ATXN1: variants seen among roughly 807,000 people sequenced by gnomAD.
ATXN1 encodes the protein ataxin-1.
A neutral mutation model predicts 56.4 loss-of-function variants in ATXN1; 8 were observed. That is an observed-to-expected ratio of 0.14 (90% CI 0.08 to 0.26). The LOEUF is 0.26. ATXN1 is among the 10% of genes least tolerant of loss of function. The pLI is 1.00. For synonymous variants in ATXN1, 514 were observed against 494.6 expected (o/e 1.04, Z -0.52); for missense variants, 987 against 1,106.5 (o/e 0.89, Z 1.53).
chr6:16,576,831 C>A (rs1443480952), intron 4 of ATXN1, among the ~76,000 whole-genome samples: 1 of 152,134 alleles, frequency 6.6e-6, no homozygotes, highest in Non-Finnish European at 1.5e-5. Context: ...GCTGGCCCCA[C>A]CCCGAGCATG....
intron 5 of ATXN1, among the ~76,000 whole-genome samples, chr6:16,502,486 T>C (rs1373771044): frequency 6.6e-6 from 1 of 152,224 alleles, no homozygotes; most frequent in Non-Finnish European, 1.5e-5. Flanking sequence ...CATGTACATA[T>C]GCTGTATAAG....
chr6:16,443,311 G>C (rs1215479742), intron 6 of ATXN1, among the ~76,000 whole-genome samples: 1 of 148,670 alleles, frequency 6.7e-6, no homozygotes, highest in Non-Finnish European at 1.5e-5. Flanking sequence ...AAATAAAGCA[G>C]ACAGGCATGA....
At chr6:16,748,715 C>G (rs1760616172) in intron 2 of ATXN1, among the ~76,000 whole-genome samples, 1 of 152,200 alleles carries the variant, frequency 6.6e-6, no homozygotes, top group South Asian at 2.1e-4. Flanking sequence ...ACGATCTGCC[C>G]CTGGAGTTGT....
At chr6:16,737,600 G>A (rs1760181313) in intron 2 of ATXN1, 2 of 152,228 alleles carry the variant, frequency 1.3e-5, no homozygotes, top group Non-Finnish European at 2.9e-5. Flanking sequence ...TTGACTAGGA[G>A]CAGTGAATGG....
intron 6 of ATXN1, among the ~76,000 whole-genome samples, chr6:16,430,806 G>C (rs1759267135): frequency 6.6e-6 from 1 of 152,000 alleles, no homozygotes; most frequent in Non-Finnish European, 1.5e-5. Context: ...TAACTCTCTT[G>C]ACTGAGTCAT....
intron 5 of ATXN1, among the ~76,000 whole-genome samples, chr6:16,488,822 T>G (rs956216667): frequency 6.6e-6 from 1 of 152,166 alleles, no homozygotes; most frequent in South Asian, 2.1e-4. Flanking sequence ...TTAACAATAT[T>G]CCACATTCAA....
chr6:16,558,369 CT>C (rs564113353), intron 4 of ATXN1, among the ~76,000 whole-genome samples: 1 of 150,494 alleles, frequency 6.6e-6, no homozygotes, highest in Non-Finnish European at 1.5e-5. Context: ...TCAATAAAAC[CT>C]TTTTAATTTT....
intron 5 of ATXN1, among the ~76,000 whole-genome samples, chr6:16,497,384 A>G (rs1737848): frequency 0.57 from 86,544 of 151,582 alleles, 26,884 homozygotes; most frequent in African/African-American, 0.82. Flanking sequence ...AGAAAATTAA[A>G]TAAATGATTA....
Position 16,415,405 on chromosome 6 carries a change from T to G in ATXN1, c.-161+70567A>C, listed in dbSNP as rs550680688. Among the ~76,000 whole-genome samples the G allele has an allele frequency of 1.4e-4, 22 of 152,312 alleles. 1 individual carries two copies. The East Asian group carries it at 3.1e-3, about 21-fold the overall frequency. ...CACCATGCCCGGCTAATTTTTTGTATTTTTAGGAGAGATGGGGTTTGGCCA... is the reference window on the plus strand; with the variant it reads ...CACCATGCCCGGCTAATTTTTTGTAGTTTTAGGAGAGATGGGGTTTGGCCA... On this transcript the variant is annotated intron_variant, in intron 6 of 7. Transcript: ENST00000436367.
chr6:16,572,045 C>T (rs1762341937), intron 4 of ATXN1, among the ~76,000 whole-genome samples: 1 of 152,082 alleles, frequency 6.6e-6, no homozygotes, highest in South Asian at 2.1e-4. Flanking sequence ...ATGCCATGGC[C>T]GGTTCCTATT....
intron 3 of ATXN1, among the ~76,000 whole-genome samples, chr6:16,623,345 GC>G: frequency 6.6e-6 from 1 of 151,210 alleles, no homozygotes; most frequent in East Asian, 1.9e-4. Context: ...AACATGAAAT[GC>G]CATTTTTCAA....
chr6:16,689,521 C>T (rs9477207), intron 2 of ATXN1, among the ~76,000 whole-genome samples: 313 of 104,890 alleles, frequency 3.0e-3, no homozygotes, highest in African/African-American at 4.9e-3. Context: ...TTTTTTTTTT[C>T]TTTTTTTTTT....
intron 2 of ATXN1, among the ~76,000 whole-genome samples, chr6:16,687,602 C>T (rs192713036): frequency 6.3e-4 from 94 of 150,266 alleles, no homozygotes; most frequent in African/African-American, 1.8e-3. Flanking sequence ...AAAGAAAAGA[C>T]AGTGACACTA....
chr6:16,471,047 C>T (rs1211206899), intron 6 of ATXN1, among the ~76,000 whole-genome samples: 1 of 152,140 alleles, frequency 6.6e-6, no homozygotes, highest in African/African-American at 2.4e-5. Context: ...ACTGAAAGGA[C>T]AGGCAGGAAC....
At chr6:16,641,366 CTT>C (rs1763702699) in intron 3 of ATXN1, among the ~76,000 whole-genome samples, 1 of 152,198 alleles carries the variant, frequency 6.6e-6, no homozygotes, top group Non-Finnish European at 1.5e-5. Context: ...GGCTGACTCT[CTT>C]GTTACGGGCA....
chr6:16,387,819 T>C (rs1174361044), intron 6 of ATXN1, among the ~76,000 whole-genome samples: 1 of 152,184 alleles, frequency 6.6e-6, no homozygotes, highest in African/African-American at 2.4e-5. Flanking sequence ...CCTGAGGATA[T>C]CTGCAATAAT....
intron 6 of ATXN1, among the ~76,000 whole-genome samples, chr6:16,423,401 T>C (rs1759075949): frequency 6.6e-6 from 1 of 152,222 alleles, no homozygotes; most frequent in African/African-American, 2.4e-5. Context: ...GTCCTTGTGA[T>C]GTTCCAGGGG....
At chr6:16,752,754 G>A (rs1760761498) in intron 2 of ATXN1, among the ~76,000 whole-genome samples, 1 of 152,142 alleles carries the variant, frequency 6.6e-6, no homozygotes. Context: ...CTGTACGTGG[G>A]AAAATCAGGA....
intron 6 of ATXN1, among the ~76,000 whole-genome samples, chr6:16,435,101 T>C (rs1286748291): frequency 6.6e-6 from 1 of 152,190 alleles, no homozygotes; most frequent in Non-Finnish European, 1.5e-5. Flanking sequence ...GGCATCTGTC[T>C]TGGGTAACTA....
Sources: allele counts gnomAD v4.1 joint callset (sites outside exome capture counted in the v4.1 genomes callset), GRCh38; gene constraint gnomAD v4.1.1; transcripts MANE v1.5; gene names NCBI Gene and HGNC (gene_info 2026-07-23, HGNC 2026-07-21).